CERT1: variants seen among roughly 807,000 people sequenced by gnomAD.
CERT1 encodes ceramide transfer protein.
Under a neutral mutation model 87.9 loss-of-function variants are expected in CERT1, and 31 were observed. The observed-to-expected ratio is 0.35, with a 90% CI of 0.27 to 0.48. The LOEUF (loss-of-function observed/expected upper bound fraction) is 0.48, where lower values mean the gene tolerates loss of function less well. Ranked by LOEUF, CERT1 falls within the 20% of genes least tolerant of loss-of-function variation. The probability of loss-of-function intolerance (pLI) is 0.99; values close to 1 mark genes in which losing one functional copy is unlikely to be tolerated. For missense variants in CERT1, 487 were observed against 758.0 expected (o/e 0.64, Z 4.20); for synonymous variants, 289 against 250.9 (o/e 1.15, Z -1.44).
At chr5:75,410,909 T>C (rs1762910188) in intron 8 of CERT1, 102 bp downstream of exon 8, 1 of 547,554 alleles carries the variant, frequency 1.8e-6, no homozygotes, top group East Asian at 3.3e-5. Flanking sequence ...GAAAAAATTA[T>C]ATATTTAGAA....
At chr5:75,386,188 AACAG>A (rs1247484937) in intron 12 of CERT1, 154 bp from the exon 13 acceptor site, 17 of 531,444 alleles carry the variant, frequency 3.2e-5, no homozygotes, top group Non-Finnish European at 4.0e-5. Flanking sequence ...ATTTCAAATT[AACAG>A]ACAAAAAAGT....
intron 7 of CERT1, among the ~76,000 whole-genome samples, chr5:75,412,197 T>C (rs920081447): frequency 1.3e-5 from 2 of 152,306 alleles, no homozygotes; most frequent in African/African-American, 4.8e-5. Context: ...TTTTTTACCT[T>C]GTCCAAATTC....
chr5:75,469,426 C>T (rs1178858886), intron 2 of CERT1, among the ~76,000 whole-genome samples: 1 of 151,968 alleles, frequency 6.6e-6, no homozygotes, highest in African/African-American at 2.4e-5. Flanking sequence ...CTTTGCAAAC[C>T]TGGATTCAAA....
intron 3 of CERT1, among the ~76,000 whole-genome samples, chr5:75,441,708 T>C (rs1764331391): frequency 6.6e-6 from 1 of 152,234 alleles, no homozygotes; most frequent in Admixed American, 6.5e-5. Context: ...CTTAGCATAG[T>C]GTCCTCACGC....
chr5:75,375,709 C>T (rs1478543356), downstream of CERT1: 1 of 148,542 alleles, frequency 6.7e-6, no homozygotes, highest in Non-Finnish European at 1.5e-5. Flanking sequence ...CTTATTAACT[C>T]TTTACAGAAC....
intron 2 of CERT1, among the ~76,000 whole-genome samples, chr5:75,504,541 CTAAG>C (rs1260779087): frequency 6.6e-5 from 10 of 152,210 alleles, no homozygotes; most frequent in Admixed American, 2.0e-4. Context: ...CAAACATACG[CTAAG>C]TAAGGATTAG....
Position 75,423,365 on chromosome 5 carries a change from G to A in CERT1, c.595+1996C>T, listed in dbSNP as rs573986642. ...ATGAAGGAGAAACAGAAGTTCAGGT[G>A]TTTTCTATTTTTAGAGGGGAAAAAA... On this transcript the variant is annotated intron_variant, in intron 5 of 16. Coordinates refer to ENST00000643780, the MANE Select transcript of CERT1 (RefSeq NM_001379029.1). 7.8e-5 allele frequency among the ~76,000 whole-genome samples: 11 copies of A among 140,756 alleles called. No individual in the cohort carries two copies. In the South Asian group the frequency reaches 2.2e-3, roughly 28 times the overall value. 92.3% of individuals were successfully genotyped at this position (140,756 alleles called of 152,430 possible). A position where few individuals can be genotyped will look rare whatever the true frequency, so the allele number is the denominator to read the frequency against.
At chr5:75,489,935 A>G (rs1766697901) in intron 2 of CERT1, among the ~76,000 whole-genome samples, 1 of 152,198 alleles carries the variant, frequency 6.6e-6, no homozygotes, top group South Asian at 2.1e-4. Flanking sequence ...CTGCAGCACT[A>G]TTCACAACAG....
intron 11 of CERT1, among the ~76,000 whole-genome samples, chr5:75,396,229 G>A (rs970800149): frequency 5.3e-5 from 8 of 152,050 alleles, no homozygotes; most frequent in Non-Finnish European, 7.4e-5. Context: ...AACTAGATAT[G>A]GTATCTGTAT....
At chr5:75,439,654 A>C (rs1446370115) in intron 3 of CERT1, among the ~76,000 whole-genome samples, 1 of 152,080 alleles carries the variant, frequency 6.6e-6, no homozygotes, top group African/African-American at 2.4e-5. Flanking sequence ...TGAAACCCGT[A>C]ATAAAATCAA....
chr5:75,394,594 T>G (rs1409270037), intron 11 of CERT1, among the ~76,000 whole-genome samples: 1 of 152,246 alleles, frequency 6.6e-6, no homozygotes, highest in East Asian at 1.9e-4. Flanking sequence ...GGCATGTGCC[T>G]GTAGTCCTTA....
At chr5:75,420,581 T>G (rs1210011061) in intron 5 of CERT1, among the ~76,000 whole-genome samples, 2 of 152,054 alleles carry the variant, frequency 1.3e-5, no homozygotes, top group Non-Finnish European at 2.9e-5. Context: ...CTCCTGACCA[T>G]GATATCAATT....
chr5:75,499,028 C>T (rs528603745), intron 2 of CERT1, among the ~76,000 whole-genome samples: 52 of 152,194 alleles, frequency 3.4e-4, no homozygotes, highest in Non-Finnish European at 6.9e-4. Context: ...GACATGGAGT[C>T]AAAGGAGATC....
At chr5:75,487,130 CAGATA>C (rs1766560888) in intron 2 of CERT1, among the ~76,000 whole-genome samples, 1 of 152,074 alleles carries the variant, frequency 6.6e-6, no homozygotes. Flanking sequence ...GGCATATAAA[CAGATA>C]TACAGACCAG....
At chr5:75,450,890 T>G (rs1764743702) in intron 3 of CERT1, among the ~76,000 whole-genome samples, 1 of 152,202 alleles carries the variant, frequency 6.6e-6, no homozygotes, top group Admixed American at 6.5e-5. Flanking sequence ...TAACCCAAGC[T>G]GTAACCCAAC....
chr5:75,403,173 A>G (rs1404786650), intron 8 of CERT1, 115 bp from the exon 9 acceptor site: 3 of 698,926 alleles, frequency 4.3e-6, no homozygotes, highest in African/African-American at 3.6e-5. Flanking sequence ...TATTGAACAC[A>G]TATTTACAAA....
intron 17 of CERT1, chr5:75,369,426 A>G (rs777881709): frequency 1.3e-5 from 2 of 152,194 alleles, no homozygotes; most frequent in Non-Finnish European, 2.9e-5. Flanking sequence ...CAAAATTGCT[A>G]GTCTTCAAGC....
chr5:75,511,640 C>CCCCTGTCCTTTCCCCTCCCCTT, upstream of CERT1: 2 of 1,502,232 alleles, frequency 1.3e-6, no homozygotes, highest in South Asian at 1.3e-5. Context: ...ACCCTCCCCT[C>CCCCTGTCCTTTCCCCTCCCCTT]CCCTGTCCTT....
At chr5:75,463,797 G>A (rs371468890) in intron 2 of CERT1, among the ~76,000 whole-genome samples, 77 of 152,256 alleles carry the variant, frequency 5.1e-4, no homozygotes, top group African/African-American at 1.7e-3. Flanking sequence ...TAAAATCAGG[G>A]GTCTATAGAG....
Sources: gnomAD v4.1 joint callset for allele counts (sites outside exome capture counted in the v4.1 genomes callset) on GRCh38, gnomAD v4.1.1 for gene constraint, MANE v1.5 for transcripts, NCBI Gene and HGNC (gene_info 2026-07-23, HGNC 2026-07-21) for gene names.